The following BIRC6 variants were observed in gnomAD, a reference collection of about 807,000 sequenced individuals.
BIRC6 encodes dual E2 ubiquitin-conjugating enzyme/E3 ubiquitin-protein ligase BIRC6.
Under a neutral mutation model 503.3 loss-of-function variants are expected in BIRC6, and 98 were observed. The ratio of observed to expected loss-of-function variants is 0.19; its 90% confidence interval spans 0.17 to 0.23. BIRC6 has a LOEUF of 0.23. Ranked by LOEUF, BIRC6 falls within the 10% of genes least tolerant of loss-of-function variation. The pLI is 1.00. For missense variants in BIRC6, 5,360 were observed against 5,806.0 expected (o/e 0.92, Z 2.50); for synonymous variants, 2,240 against 2,078.7 (o/e 1.08, Z -2.11).
chr2:32,366,574 G>T (rs1326046996), intron 1 of BIRC6, among the ~76,000 whole-genome samples: 1 of 152,108 alleles, frequency 6.6e-6, no homozygotes, highest in East Asian at 1.9e-4. Context: ...AAAAATAATA[G>T]ATTTCTGTAA....
chr2:32,594,322 A>G (rs1234297999), intron 67 of BIRC6: 1 of 297,182 alleles, frequency 3.4e-6, no homozygotes, highest in African/African-American at 2.2e-5. Flanking sequence ...TCCCCCTGAA[A>G]TTCATGAAAT....
intron 45 of BIRC6, among the ~76,000 whole-genome samples, chr2:32,494,321 G>A (rs1049028872): frequency 1.3e-5 from 2 of 151,436 alleles, no homozygotes; most frequent in Non-Finnish European, 2.9e-5. Context: ...TCCGCCTCCT[G>A]GGTTGAAGCG....
intron 54 of BIRC6, among the ~76,000 whole-genome samples, chr2:32,513,831 C>A (rs551264135): frequency 1.2e-4 from 19 of 152,010 alleles, no homozygotes; most frequent in African/African-American, 3.9e-4. Flanking sequence ...ATCACTTGAA[C>A]CTGGGAGGTG....
chr2:32,532,263 A>G (rs1259289635), intron 61 of BIRC6: 1 of 511,564 alleles, frequency 2.0e-6, no homozygotes, highest in South Asian at 1.4e-5. Flanking sequence ...AACAACTGAA[A>G]TTTATTCTCA....
In BIRC6 at chr2:32,441,414, T is replaced by G; in HGVS notation, c.3896T>G (p.Val1299Gly). ...NLRGCDLLQE[V>G]SVTIRRFKKT... ...CGGGGCTGTGATTTACTTCAAGAGG[T>G]CTCAGTCACCATTCGAAGATTTAAG... The change falls in exon 17 of 74, where the codon GTC (valine) becomes GGC (glycine). Residue 1299 changes from valine (V) to glycine (G), a missense_variant. By Grantham distance (109) the Val-to-Gly change is moderately radical (BLOSUM62 -3). Around this residue, in one of 16 missense-constraint regions of BIRC6, gnomAD observed 2,299 missense variants for 2,267.2 expected, o/e 1.01. Coordinates refer to ENST00000421745, the MANE Select transcript of BIRC6 (RefSeq NM_016252.4). 6.2e-7 allele frequency: 1 copy of G among 1,610,776 alleles called. No homozygotes were observed. Among genetic ancestry groups the G allele is most frequent in the Non-Finnish European group, 8.5e-7 (1 of 1,177,640 alleles).
intron 59 of BIRC6, 150 bp downstream of exon 59, chr2:32,525,778 G>A: frequency 1.4e-6 from 1 of 700,702 alleles, no homozygotes; most frequent in African/African-American, 1.8e-5. Context: ...TTCCTCCGAA[G>A]AGAAGTGAGA....
chr2:32,427,103 G>A (rs902559495), intron 10 of BIRC6, among the ~76,000 whole-genome samples: 4 of 151,848 alleles, frequency 2.6e-5, no homozygotes, highest in Middle Eastern at 3.2e-3. Context: ...ATTTCTTTGT[G>A]TTTATCCTAT....
In BIRC6 at chr2:32,441,449, A is replaced by G. The variant is rs781761645; in HGVS notation, c.3931A>G (p.Ile1311Val). The change falls in exon 17 of 74, where the codon ATT becomes GTT. Residue 1311 changes from isoleucine (I) to valine (V), a missense_variant. This residue lies in a region of BIRC6 where 2,299 missense variants were observed against 2,267.2 expected (regional missense o/e 1.01). Transcript: ENST00000421745. ...VTIRRFKKTS[I>V]SKERVQRCAM... is the part of the protein sequence containing the mutation. ...CATTCGAAGATTTAAGAAAACCTCA[A>G]TTTCTAAGGAAAGGTAATTTCATTG... The G allele has an allele frequency of 3.9e-5, 62 of 1,609,438 alleles. No individual in the cohort carries two copies. The South Asian group carries it at 6.2e-4, about 16-fold the overall frequency.
Position 32,471,062 on chromosome 2 carries a change from G to A in BIRC6, c.6530G>A (p.Arg2177Lys). Residue 2177 changes from arginine to lysine, a missense_variant, in exon 32 of 74, where the codon AGG becomes AAG. Arg to Lys is a conservative substitution (Grantham distance 26, BLOSUM62 2). Around this residue, in one of 16 missense-constraint regions of BIRC6, gnomAD observed 2,299 missense variants for 2,267.2 expected, o/e 1.01. Transcript: ENST00000421745. ...AGTTGGGTTGTTATGCTGGTGTCCAGGTTGCTGGATTATGTGGCAACTGTT... is the reference window on the plus strand; with the variant it reads ...AGTTGGGTTGTTATGCTGGTGTCCAAGTTGCTGGATTATGTGGCAACTGTT... The part of the protein sequence containing the change: ...MISWVVMLVS[R>K]LLDYVATVED... 1 of 1,583,828 alleles carries A rather than the reference G, an allele frequency of 6.3e-7. No homozygotes were observed. Among genetic ancestry groups the A allele is most frequent in the Non-Finnish European group, 8.6e-7 (1 of 1,163,050 alleles).
chr2:32,611,523 C>G lies in BIRC6; in HGVS notation c.14335C>G (p.Gln4779Glu). 1 of 1,606,958 alleles carries G rather than the reference C, an allele frequency of 6.2e-7. No individual in the cohort carries two copies. The highest frequency in any genetic ancestry group is 8.5e-7 in the Non-Finnish European group (1 of 1,175,734). Reference sequence around the variant, plus strand: ...TGAGGAGTGGATTGCGGATATCCAGCAGTACAGCAGTGATAAGCGGGTAGG... The same window carrying G: ...TGAGGAGTGGATTGCGGATATCCAGGAGTACAGCAGTGATAAGCGGGTAGG... ...QCEEWIADIQ[Q>E]YSSDKRVGRT... The change falls in exon 73 of 74, where the codon CAG (glutamine) becomes GAG (glutamate). Residue 4779 changes from glutamine to glutamate, a missense_variant. Gln to Glu is a conservative substitution (Grantham distance 29). This residue lies in a region of BIRC6 where 140 missense variants were observed against 130.2 expected (regional missense o/e 1.07). Transcript: ENST00000421745.
At chr2:32,389,096 A>G (rs1413051823) in intron 4 of BIRC6, among the ~76,000 whole-genome samples, 153 bp downstream of exon 4, 1 of 152,198 alleles carries the variant, frequency 6.6e-6, no homozygotes, top group Admixed American at 6.5e-5. Flanking sequence ...ATGAATTAGA[A>G]TCTGAAAACC....
At chr2:32,606,088 C>G (rs75045003) in intron 71 of BIRC6, among the ~76,000 whole-genome samples, 16 of 152,086 alleles carry the variant, frequency 1.1e-4, no homozygotes, top group Non-Finnish European at 2.1e-4. Flanking sequence ...AATTGCTGTT[C>G]TTTTTCATTT....
intron 60 of BIRC6, 148 bp downstream of exon 60, chr2:32,529,972 A>G (rs1572837639): frequency 2.1e-6 from 1 of 483,020 alleles, no homozygotes; most frequent in Non-Finnish European, 3.3e-6. Context: ...AATATAAAAA[A>G]TGGCCATTAT....
chr2:32,460,997 GCT>G (rs2047836514), intron 23 of BIRC6, among the ~76,000 whole-genome samples: 1 of 115,078 alleles, frequency 8.7e-6, no homozygotes, highest in Non-Finnish European at 1.9e-5. Flanking sequence ...GCTCTGCTCT[GCT>G]CTCTTCTCTT....
chr2:32,503,578 C>T (rs1482590655), intron 49 of BIRC6, among the ~76,000 whole-genome samples: 4 of 151,966 alleles, frequency 2.6e-5, no homozygotes, highest in South Asian at 4.2e-4. Context: ...CCTGCCACCA[C>T]GCCTGGCTAA....
intron 1 of BIRC6, among the ~76,000 whole-genome samples, chr2:32,369,955 T>C (rs865879323): frequency 4.3e-4 from 17 of 39,420 alleles, no homozygotes; most frequent in Non-Finnish European, 1.9e-4. Flanking sequence ...AATATATATA[T>C]ATATATATAT....
In BIRC6 at chr2:32,415,610, C is replaced by G. The variant is rs769844436; in HGVS notation, c.2319C>G (p.Asn773Lys). The G allele has an allele frequency of 1.2e-6, 2 of 1,613,908 alleles. No individual in the cohort carries two copies. Among genetic ancestry groups the G allele is most frequent in the Non-Finnish European group, 1.7e-6 (2 of 1,179,846 alleles). The change falls in exon 10 of 74, where the codon AAC becomes AAG. Residue 773 changes from asparagine (N) to lysine (K), a missense_variant. Coordinates refer to ENST00000421745, the MANE Select transcript of BIRC6 (RefSeq NM_016252.4). ...VEALNNLNKL[N>K]SALCNRRKGE... is the part of the protein sequence containing the mutation. ...CCTTGAATAATTTAAATAAATTAAA[C>G]TCTGCACTATGTAATAGACGGAAAG...
chr2:32,401,036 T>C, intron 6 of BIRC6, 127 bp from the exon 7 acceptor site: 1 of 751,828 alleles, frequency 1.3e-6, no homozygotes, highest in Non-Finnish European at 2.2e-6. Context: ...TTTGGTTATA[T>C]TAAGTCTTTA....
intron 9 of BIRC6, among the ~76,000 whole-genome samples, chr2:32,407,897 A>G (rs777753444): frequency 3.9e-5 from 6 of 152,054 alleles, no homozygotes; most frequent in Admixed American, 1.3e-4. Context: ...TGAGGAAGCT[A>G]ATGCTCTTTT....
Sources: allele counts gnomAD v4.1 joint callset (sites outside exome capture counted in the v4.1 genomes callset), GRCh38; gene constraint gnomAD v4.1.1; regional missense constraint gnomAD v4.1.1; transcripts MANE v1.5; gene names NCBI Gene and HGNC (gene_info 2026-07-23, HGNC 2026-07-21).